The following IDE variants were observed in gnomAD, a reference collection of about 807,000 sequenced individuals.
The protein encoded by IDE is insulin-degrading enzyme.
A neutral mutation model predicts 133.2 loss-of-function variants in IDE; 58 were observed. That is an observed-to-expected ratio of 0.44 (90% CI 0.35 to 0.54). The LOEUF (loss-of-function observed/expected upper bound fraction) is 0.54. Among genes scored for constraint, IDE ranks in the 20% least tolerant of loss-of-function variants. The probability of loss-of-function intolerance (pLI) is 0.00; values close to 1 mark genes in which losing one functional copy is unlikely to be tolerated. For missense variants in IDE, 981 were observed against 1,234.0 expected, an observed-to-expected ratio of 0.79 and a Z score of 3.07; for synonymous variants, 396 against 421.3, an observed-to-expected ratio of 0.94 and a Z score of 0.73.
At chr10:92,504,322 C>T (rs994104985) in intron 11 of IDE, among the ~76,000 whole-genome samples, 36 of 152,056 alleles carry the variant, frequency 2.4e-4, no homozygotes, top group African/African-American at 7.0e-4. Context: ...AGAGTTTGGA[C>T]TTTTGATTTC....
intron 11 of IDE, among the ~76,000 whole-genome samples, chr10:92,492,303 G>A (rs751229917): frequency 1.3e-5 from 2 of 151,938 alleles, no homozygotes; most frequent in Non-Finnish European, 2.9e-5. Flanking sequence ...AGGGAAGGCA[G>A]AAGTAAAGTG....
At chr10:92,462,301 G>A (rs1431128134) in intron 21 of IDE, among the ~76,000 whole-genome samples, 3 of 127,418 alleles carry the variant, frequency 2.4e-5, no homozygotes, top group Non-Finnish European at 4.7e-5. Flanking sequence ...CTGGGCGACA[G>A]AGCAAAACTG....
intron 1 of IDE, among the ~76,000 whole-genome samples, chr10:92,544,232 CAAA>C (rs377421446): frequency 1.1e-4 from 9 of 85,484 alleles, no homozygotes; most frequent in Non-Finnish European, 7.7e-5. Flanking sequence ...GACACCATCT[CAAA>C]AAAAAAAAAA....
Position 92,490,547 on chromosome 10 carries a change from T to C in IDE, c.1479A>G (p.Glu493=). The change falls in exon 12 of 25, where the codon GAA becomes GAG. Residue 493 remains glutamate, a synonymous_variant. Coordinates refer to ENST00000265986, the MANE Select transcript of IDE (RefSeq NM_004969.4). The part of the protein sequence containing the change: ...KSFEGKTDRT[E]EWYGTQYKQE... ...GTTTGTACTGGGTTCCATACCACTCTTCTGTGCGATCAGTTTTTCCTTCAA... is the reference window on the plus strand; with the variant it reads ...GTTTGTACTGGGTTCCATACCACTCCTCTGTGCGATCAGTTTTTCCTTCAA... 1 of 1,613,442 alleles carries C rather than the reference T, an allele frequency of 6.2e-7. No homozygotes were observed. The highest frequency in any genetic ancestry group is 8.5e-7 in the Non-Finnish European group (1 of 1,179,394).
intron 12 of IDE, among the ~76,000 whole-genome samples, chr10:92,488,091 G>T (rs948811818): frequency 6.6e-6 from 1 of 151,358 alleles, no homozygotes; most frequent in Non-Finnish European, 1.5e-5. Context: ...CACCATGCCC[G>T]GCCTCACTTC....
intron 5 of IDE, among the ~76,000 whole-genome samples, chr10:92,513,766 G>A (rs1222445257): frequency 6.6e-6 from 1 of 151,696 alleles, no homozygotes; most frequent in African/African-American, 2.4e-5. Context: ...TCATAAAACT[G>A]TTTATTCATT....
intron 11 of IDE, among the ~76,000 whole-genome samples, chr10:92,494,060 G>A (rs1044300573): frequency 2.0e-5 from 3 of 152,006 alleles, no homozygotes; most frequent in South Asian, 2.1e-4. Context: ...ACCATCTGCC[G>A]AAAATCTAAT....
At chr10:92,494,553 G>A (rs184557320) in intron 11 of IDE, among the ~76,000 whole-genome samples, 34 of 152,050 alleles carry the variant, frequency 2.2e-4, no homozygotes, top group African/African-American at 8.0e-4. Context: ...GCAAGCCTGG[G>A]CAATACAGTG....
At chr10:92,519,066 A>C (rs1554843672) in intron 4 of IDE, among the ~76,000 whole-genome samples, 1 of 152,188 alleles carries the variant, frequency 6.6e-6, no homozygotes, top group Non-Finnish European at 1.5e-5. Context: ...ATTTAACATA[A>C]TACTTAATAA....
At chr10:92,473,218 C>T (rs1042161366) in intron 17 of IDE, among the ~76,000 whole-genome samples, 3 of 152,006 alleles carry the variant, frequency 2.0e-5, no homozygotes, top group Admixed American at 1.3e-4. Context: ...GTGTGAGCCA[C>T]GGCACCCGGC....
At chr10:92,523,071 G>A (rs927780008) in intron 4 of IDE, among the ~76,000 whole-genome samples, 5 of 152,054 alleles carry the variant, frequency 3.3e-5, no homozygotes, top group African/African-American at 1.2e-4. Flanking sequence ...TATTAACTGA[G>A]AGAGAGAAAA....
chr10:92,534,499 T>A (rs1850131988), intron 3 of IDE, 79 bp downstream of exon 3: 1 of 867,906 alleles, frequency 1.2e-6, no homozygotes, highest in South Asian at 1.8e-5. Context: ...TATGAAGCCA[T>A]CTCTGTGGAA....
intron 4 of IDE, among the ~76,000 whole-genome samples, chr10:92,522,538 T>C (rs1849284647): frequency 6.6e-6 from 1 of 152,198 alleles, no homozygotes; most frequent in African/African-American, 2.4e-5. Context: ...CTTTTCTTTT[T>C]CCCCTTGAAT....
chr10:92,504,216 T>C (rs941009494), intron 11 of IDE, among the ~76,000 whole-genome samples: 48 of 152,156 alleles, frequency 3.2e-4, no homozygotes, highest in African/African-American at 9.4e-4. Context: ...TTAGAAAACA[T>C]AGATGAAATT....
intron 15 of IDE, among the ~76,000 whole-genome samples, chr10:92,476,943 G>C (rs1460863142): frequency 1.2e-4 from 18 of 151,800 alleles, no homozygotes; most frequent in Non-Finnish European, 1.5e-5. Context: ...AGACCAACCT[G>C]GGCAACATAG....
At chr10:92,539,709 A>G (rs942242889) in intron 1 of IDE, among the ~76,000 whole-genome samples, 1 of 152,082 alleles carries the variant, frequency 6.6e-6, no homozygotes, top group African/African-American at 2.4e-5. Flanking sequence ...GGTTGCAGTG[A>G]GCTGAGGTCA....
intron 3 of IDE, among the ~76,000 whole-genome samples, chr10:92,533,773 C>A (rs1355182281): frequency 6.6e-6 from 1 of 150,988 alleles, no homozygotes; most frequent in Non-Finnish European, 1.5e-5. Flanking sequence ...CCTGTAATCC[C>A]AGCACTCTGG....
intron 1 of IDE, among the ~76,000 whole-genome samples, chr10:92,539,067 T>A (rs1183732068): frequency 2.0e-5 from 3 of 152,220 alleles, no homozygotes; most frequent in Admixed American, 6.5e-5. Flanking sequence ...AAAAATCTAG[T>A]TTGCTTTCAC....
chr10:92,557,050 T>G (rs1016097365), intron 1 of IDE, among the ~76,000 whole-genome samples: 2 of 151,996 alleles, frequency 1.3e-5, no homozygotes, highest in Non-Finnish European at 2.9e-5. Flanking sequence ...AATCCCCAAA[T>G]AGATTAAAAT....
Sources: allele counts gnomAD v4.1 joint callset (sites outside exome capture counted in the v4.1 genomes callset), GRCh38; gene constraint gnomAD v4.1.1; transcripts MANE v1.5; gene names NCBI Gene and HGNC (gene_info 2026-07-23, HGNC 2026-07-21).